Variants in STIM2 observed in about 807,000 individuals in gnomAD.
STIM2 encodes the protein stromal interaction molecule 2.
STIM2 carries 31 observed loss-of-function variants against 85.8 expected under a neutral mutation model. That is an observed-to-expected ratio of 0.36 (90% CI 0.27 to 0.49). The LOEUF (loss-of-function observed/expected upper bound fraction) is 0.49. Among genes scored for constraint, STIM2 ranks in the 20% least tolerant of loss-of-function variants. STIM2 has a pLI of 0.98. For synonymous variants in STIM2, 356 were observed against 331.1 expected (o/e 1.08, Z -0.82); for missense variants, 841 against 927.6 (o/e 0.91, Z 1.21).
chr4:27,021,679 T>C (rs1312747761), intron 11 of STIM2: 3 of 453,660 alleles, frequency 6.6e-6, no homozygotes, highest in Non-Finnish European at 1.3e-5. Flanking sequence ...GAGAAGTAGC[T>C]GGGAGGGAAG....
intron 1 of STIM2, among the ~76,000 whole-genome samples, chr4:26,915,815 G>A (rs1460787569): frequency 1.3e-5 from 2 of 152,168 alleles, no homozygotes; most frequent in Non-Finnish European, 2.9e-5. Flanking sequence ...GGCACTGAGG[G>A]GAGGACATTT....
intron 1 of STIM2, among the ~76,000 whole-genome samples, chr4:26,914,891 C>T (rs1724476008): frequency 6.6e-6 from 1 of 152,192 alleles, no homozygotes; most frequent in African/African-American, 2.4e-5. Context: ...CTGATGATCT[C>T]CTTCCACGGG....
chr4:26,991,149 T>C (rs1290076231), intron 3 of STIM2, among the ~76,000 whole-genome samples: 1 of 152,130 alleles, frequency 6.6e-6, no homozygotes, highest in Non-Finnish European at 1.5e-5. Flanking sequence ...ACTGCAGCAC[T>C]ATTCACAATA....
At chr4:27,021,141 A>G in intron 11 of STIM2, 1 of 1,358,614 alleles carries the variant, frequency 7.4e-7, no homozygotes, top group Non-Finnish European at 1.0e-6. Context: ...CCTTCCATTC[A>G]TTCATCCAAC....
intron 1 of STIM2, among the ~76,000 whole-genome samples, chr4:26,892,199 G>A (rs544879387): frequency 7.9e-5 from 12 of 152,282 alleles, no homozygotes; most frequent in Admixed American, 5.2e-4. Flanking sequence ...TATCAGCAGC[G>A]TGAAAATGAA....
intron 3 of STIM2, among the ~76,000 whole-genome samples, chr4:26,976,785 CAG>C (rs1289722923): frequency 2.0e-5 from 3 of 152,022 alleles, no homozygotes; most frequent in Non-Finnish European, 4.4e-5. Flanking sequence ...GCCTGGGTGA[CAG>C]AGTGGGACTC....
intron 5 of STIM2, among the ~76,000 whole-genome samples, chr4:26,999,709 T>C (rs1728078098): frequency 6.6e-6 from 1 of 152,210 alleles, no homozygotes; most frequent in Admixed American, 6.5e-5. Context: ...TCTAACCATC[T>C]TGATGGCATG....
At chr4:26,918,854 A>G (rs754050430) in intron 1 of STIM2, among the ~76,000 whole-genome samples, 1 of 152,226 alleles carries the variant, frequency 6.6e-6, no homozygotes, top group Non-Finnish European at 1.5e-5. Context: ...GTAAATGTGT[A>G]TTAAAGATAA....
Position 27,022,619 on chromosome 4 carries a change from C to T in STIM2, c.1864C>T (p.Pro622Ser), listed in dbSNP as rs1366485319. 6.2e-7 allele frequency: 1 copy of T among 1,614,070 alleles called. No homozygotes were observed. The highest frequency in any genetic ancestry group is 1.3e-5 in the African/African-American group (1 of 74,930). Residue 622 changes from proline to serine, a missense_variant, in exon 12 of 12, where the codon CCG becomes TCG. Physicochemically the swap from Pro to Ser is moderately conservative, Grantham distance 74 (BLOSUM62 -1). Transcript: ENST00000467087. ...CCTCGAGATATACCAAACATTATCTCCGCGAAAGATATCAAGAGATGAGGT... is the reference window on the plus strand; with the variant it reads ...CCTCGAGATATACCAAACATTATCTTCGCGAAAGATATCAAGAGATGAGGT...
chr4:26,884,204 T>C (rs1237322505), intron 1 of STIM2, among the ~76,000 whole-genome samples: 1 of 152,130 alleles, frequency 6.6e-6, no homozygotes, highest in Non-Finnish European at 1.5e-5. Context: ...TGTGGGAGAC[T>C]GTGTGTGCCT....
At chr4:26,978,067 G>A (rs985727708) in intron 3 of STIM2, among the ~76,000 whole-genome samples, 4 of 152,094 alleles carry the variant, frequency 2.6e-5, no homozygotes, top group African/African-American at 9.7e-5. Context: ...CAGATTCACT[G>A]TAGGAGTAGA....
At chr4:26,912,917 G>C (rs13434709) in intron 1 of STIM2, among the ~76,000 whole-genome samples, 75,756 of 151,898 alleles carry the variant, frequency 0.5, 19,014 homozygotes, top group East Asian at 0.63. Context: ...TTGTGTGGGA[G>C]TTGTCAGGCT....
intron 3 of STIM2, among the ~76,000 whole-genome samples, chr4:26,991,572 T>C (rs1431459494): frequency 6.6e-6 from 1 of 152,150 alleles, no homozygotes; most frequent in Non-Finnish European, 1.5e-5. Context: ...GGAAGATAAT[T>C]ATAATGGTTC....
chr4:26,968,199 T>G (rs1417001800), intron 3 of STIM2, among the ~76,000 whole-genome samples: 1 of 151,874 alleles, frequency 6.6e-6, no homozygotes, highest in African/African-American at 2.4e-5. Context: ...TTCAGGAAAT[T>G]TAAATATTGG....
chr4:26,952,454 A>G (rs1379744319), intron 2 of STIM2, among the ~76,000 whole-genome samples: 1 of 152,194 alleles, frequency 6.6e-6, no homozygotes, highest in Non-Finnish European at 1.5e-5. Context: ...ATGATTTACA[A>G]TAAAATAGTT....
intron 1 of STIM2, among the ~76,000 whole-genome samples, chr4:26,910,639 G>A (rs182799486): frequency 6.6e-6 from 1 of 152,316 alleles, no homozygotes; most frequent in East Asian, 1.9e-4. Context: ...CGCTTATTTA[G>A]ATACACTGAA....
intron 2 of STIM2, among the ~76,000 whole-genome samples, chr4:26,931,960 TCTTAAA>T (rs1005724037): frequency 9.2e-5 from 14 of 152,316 alleles, no homozygotes; most frequent in African/African-American, 3.1e-4. Context: ...TTGTAGGACT[TCTTAAA>T]CTTAAATTTA....
chr4:26,943,236 T>C (rs1410953767), intron 2 of STIM2, among the ~76,000 whole-genome samples: 3 of 152,154 alleles, frequency 2.0e-5, no homozygotes, highest in African/African-American at 7.2e-5. Flanking sequence ...ACACATCAAT[T>C]ATTTGGTTTC....
intron 1 of STIM2, among the ~76,000 whole-genome samples, chr4:26,889,406 C>T (rs1723379005): frequency 6.6e-6 from 1 of 152,142 alleles, no homozygotes; most frequent in Non-Finnish European, 1.5e-5. Flanking sequence ...AAAGTGTGTT[C>T]CTTGATCAGA....
Sources: allele counts gnomAD v4.1 joint callset (sites outside exome capture counted in the v4.1 genomes callset), GRCh38; gene constraint gnomAD v4.1.1; transcripts MANE v1.5; gene names NCBI Gene and HGNC (gene_info 2026-07-23, HGNC 2026-07-21).